SMYD3: variants seen among roughly 807,000 people sequenced by gnomAD.
SMYD3 encodes histone-lysine N-methyltransferase SMYD3.
Under a neutral mutation model 57.7 loss-of-function variants are expected in SMYD3, and 36 were observed. The observed-to-expected ratio is 0.62, with a 90% confidence interval of 0.48 to 0.82. The LOEUF is 0.82. Ranked by LOEUF, SMYD3 falls within the 40% of genes least tolerant of loss-of-function variation. SMYD3 has a pLI of 0.00. For missense variants in SMYD3, 515 were observed against 538.8 expected (o/e 0.96, Z 0.44); for synonymous variants, 211 against 195.0 (o/e 1.08, Z -0.68).
intron 1 of SMYD3, among the ~76,000 whole-genome samples, chr1:246,450,082 G>C (rs2067609687): frequency 6.6e-6 from 1 of 152,190 alleles, no homozygotes; most frequent in Non-Finnish European, 1.5e-5. Context: ...GAGGTCGGGA[G>C]TTCGAGACCA....
At chr1:246,492,901 T>G (rs1450175001) in intron 1 of SMYD3, among the ~76,000 whole-genome samples, 2 of 152,202 alleles carry the variant, frequency 1.3e-5, no homozygotes, top group African/African-American at 4.8e-5. Flanking sequence ...ACAAGGCAGG[T>G]ACATGGTAAA....
chr1:245,880,501 T>TAAC (rs1459437954), intron 8 of SMYD3, among the ~76,000 whole-genome samples: 1 of 152,196 alleles, frequency 6.6e-6, no homozygotes, highest in African/African-American at 2.4e-5. Flanking sequence ...GCAGGCCAAA[T>TAAC]AACAACAACA....
chr1:245,854,432 C>T (rs753594649), intron 10 of SMYD3, among the ~76,000 whole-genome samples: 7 of 151,992 alleles, frequency 4.6e-5, no homozygotes, highest in South Asian at 2.1e-4. Context: ...TAAATGGAAA[C>T]GACAGAGATT....
At chr1:245,908,987 G>A (rs535538585) in intron 8 of SMYD3, among the ~76,000 whole-genome samples, 40 of 151,502 alleles carry the variant, frequency 2.6e-4, no homozygotes, top group African/African-American at 9.2e-4. Context: ...ACAAAACAGA[G>A]ATTAAAGAAC....
intron 1 of SMYD3, among the ~76,000 whole-genome samples, chr1:246,487,051 AG>A (rs1187641045): frequency 6.6e-6 from 1 of 152,248 alleles, no homozygotes; most frequent in African/African-American, 2.4e-5. Flanking sequence ...TGTTTAAATA[AG>A]AACAGTCAGA....
Position 245,775,723 on chromosome 1 carries a change from A to T in SMYD3, c.1077-11574T>A, listed in dbSNP as rs536211018. Among the ~76,000 whole-genome samples the T allele has an allele frequency of 3.2e-3, 434 of 135,302 alleles. 3 individuals carry two copies. The highest frequency in any genetic ancestry group is 0.014 in the Middle Eastern group (4 of 286). 88.8% of individuals were successfully genotyped at this position (135,302 alleles called of 152,430 possible). A position where few individuals can be genotyped will look rare whatever the true frequency, so the allele number is the denominator to read the frequency against. On this transcript the variant is annotated intron_variant, in intron 10 of 11. Transcript: ENST00000490107. ...GAATGATCAATAAATACTAAAAAAA[A>T]AAAAAAATAAAAAAAATAAATGGAT...
At chr1:246,166,954 C>G (rs1030955064) in intron 5 of SMYD3, among the ~76,000 whole-genome samples, 2 of 152,210 alleles carry the variant, frequency 1.3e-5, no homozygotes, top group Non-Finnish European at 1.5e-5. Context: ...CCCCTTCCCA[C>G]AAGCCCTAGC....
chr1:246,348,060 T>TATATATATATA (rs1173574600), intron 2 of SMYD3, among the ~76,000 whole-genome samples: 2 of 83,004 alleles, frequency 2.4e-5, no homozygotes, highest in South Asian at 3.5e-4. Context: ...AAAGAAAACG[T>TATATATATATA]TATATATATA....
intron 5 of SMYD3, among the ~76,000 whole-genome samples, chr1:246,157,313 A>G (rs2062036907): frequency 1.3e-5 from 2 of 152,190 alleles, no homozygotes; most frequent in South Asian, 4.1e-4. Flanking sequence ...TAACTCGACA[A>G]GAGAAAACAA....
intron 1 of SMYD3, among the ~76,000 whole-genome samples, chr1:246,390,302 G>A (rs1242074472): frequency 6.7e-6 from 1 of 148,642 alleles, no homozygotes; most frequent in Non-Finnish European, 1.5e-5. Flanking sequence ...ATAAAAGCCT[G>A]TATATTATAT....
chr1:245,918,425 G>A (rs942123548), intron 7 of SMYD3, among the ~76,000 whole-genome samples: 4 of 152,120 alleles, frequency 2.6e-5, no homozygotes, highest in Non-Finnish European at 4.4e-5. Context: ...CCGTAGCACC[G>A]TCAAACCTAA....
intron 1 of SMYD3, among the ~76,000 whole-genome samples, chr1:246,390,724 T>C (rs1218260430): frequency 6.6e-6 from 1 of 152,206 alleles, no homozygotes; most frequent in Admixed American, 6.5e-5. Flanking sequence ...TTACATTCCC[T>C]ATTAAGTCAT....
intron 5 of SMYD3, among the ~76,000 whole-genome samples, chr1:245,966,572 A>G (rs2058154652): frequency 6.6e-6 from 1 of 152,246 alleles, no homozygotes; most frequent in Non-Finnish European, 1.5e-5. Context: ...TCCAATCATG[A>G]CTAAAATCAT....
chr1:246,287,287 A>T (rs888309143), intron 5 of SMYD3, among the ~76,000 whole-genome samples: 13 of 152,244 alleles, frequency 8.5e-5, no homozygotes, highest in African/African-American at 3.1e-4. Flanking sequence ...TTTCTAATAT[A>T]TATAGTTTTC....
At chr1:246,102,600 C>G (rs1009619713) in intron 5 of SMYD3, among the ~76,000 whole-genome samples, 2 of 152,034 alleles carry the variant, frequency 1.3e-5, no homozygotes, top group Admixed American at 6.6e-5. Flanking sequence ...CCGGCTAGCA[C>G]GTTCTCATCT....
At chr1:246,280,614 G>T (rs1263401586) in intron 5 of SMYD3, among the ~76,000 whole-genome samples, 1 of 152,124 alleles carries the variant, frequency 6.6e-6, no homozygotes, top group Non-Finnish European at 1.5e-5. Flanking sequence ...GAATGTTAAA[G>T]ACATCTACCT....
At chr1:246,352,931 T>G (rs1196646322) in intron 2 of SMYD3, among the ~76,000 whole-genome samples, 1 of 152,206 alleles carries the variant, frequency 6.6e-6, no homozygotes, top group African/African-American at 2.4e-5. Context: ...TGCCTAGACT[T>G]GTGTCAAATA....
intron 10 of SMYD3, among the ~76,000 whole-genome samples, chr1:245,808,153 T>C (rs1352050270): frequency 6.6e-6 from 1 of 152,226 alleles, no homozygotes; most frequent in Admixed American, 6.5e-5. Context: ...AATATAGAAA[T>C]GGGTTTCCTG....
intron 5 of SMYD3, among the ~76,000 whole-genome samples, chr1:246,004,874 T>C (rs1272917594): frequency 6.6e-6 from 1 of 152,178 alleles, no homozygotes; most frequent in Non-Finnish European, 1.5e-5. Flanking sequence ...AGACAGCGTC[T>C]CACTCTGTCA....
Sources: allele counts gnomAD v4.1 joint callset (sites outside exome capture counted in the v4.1 genomes callset), GRCh38; gene constraint gnomAD v4.1.1; transcripts MANE v1.5; gene names NCBI Gene and HGNC (gene_info 2026-07-23, HGNC 2026-07-21).